Variants in AADAT observed in about 807,000 individuals in gnomAD.
AADAT encodes aminoadipate aminotransferase.
A neutral mutation model predicts 56.2 loss-of-function variants in AADAT; 25 were observed. That is an observed-to-expected ratio of 0.44 (90% confidence interval 0.32 to 0.62). The LOEUF (loss-of-function observed/expected upper bound fraction) is 0.62. Among genes scored for constraint, AADAT ranks in the 20% least tolerant of loss-of-function variants. The pLI is 0.04. For missense variants in AADAT, 387 were observed against 510.5 expected, an observed-to-expected ratio of 0.76 and a Z score of 2.33; for synonymous variants, 173 against 164.7, an observed-to-expected ratio of 1.05 and a Z score of -0.39.
chr4:170,088,392 T>G lies in AADAT; in HGVS notation c.236+4A>C, dbSNP rs1732666745. On this transcript the variant is annotated splice_donor_region_variant and intron_variant, in intron 2 of 12. Transcript: ENST00000337664. ...ATAAAATTATGTTAAGTATTGATAC[T>G]TACCCAGCACTCGGAGAATACTGAA... The G allele has an allele frequency of 1.9e-6, 3 of 1,589,592 alleles. No homozygotes were observed. In the South Asian group the frequency reaches 3.4e-5, roughly 18 times the overall value.
intron 3 of AADAT, among the ~76,000 whole-genome samples, chr4:170,084,277 T>C (rs1732451570): frequency 6.6e-6 from 1 of 152,104 alleles, no homozygotes; most frequent in South Asian, 2.1e-4. Flanking sequence ...AGAATATAAA[T>C]GTACTTATTA....
chr4:170,070,924 T>C (rs1731727925), intron 5 of AADAT, among the ~76,000 whole-genome samples: 1 of 152,148 alleles, frequency 6.6e-6, no homozygotes, highest in Non-Finnish European at 1.5e-5. Context: ...ATTTATTTTG[T>C]TTTTTTGAGA....
intron 8 of AADAT, among the ~76,000 whole-genome samples, chr4:170,067,898 G>A (rs1166343305): frequency 1.3e-5 from 2 of 152,192 alleles, no homozygotes; most frequent in Non-Finnish European, 2.9e-5. Context: ...AGCACTTTGG[G>A]AGGCCCAACA....
At chr4:170,067,637 A>G (rs887425141) in intron 8 of AADAT, among the ~76,000 whole-genome samples, 5 of 152,180 alleles carry the variant, frequency 3.3e-5, no homozygotes, top group Non-Finnish European at 7.3e-5. Flanking sequence ...AATATATTTT[A>G]CCAAATGTAA....
rs745470255 is a variant in AADAT, at chr4:170,089,717, T to G, written c.-27A>C. On this transcript the variant is annotated 5_prime_UTR_variant, in exon 1 of 13. Coordinates refer to ENST00000337664, the MANE Select transcript of AADAT (RefSeq NM_016228.4). ...TCTTCTGACAGCCAAGCATCAAGCT[T>G]CTTCTTCAGTGGTTGAGGACTAGAA... 191 of 1,612,844 alleles carry G rather than the reference T, an allele frequency of 1.2e-4. No homozygotes were observed. The highest frequency in any genetic ancestry group is 8.2e-4 in the Middle Eastern group (5 of 6,082).
rs567501358 is a variant in AADAT at position 170,065,079 on chromosome 4, G to C, written c.1028-254C>G. On this transcript the variant is annotated intron_variant, in intron 10 of 12. Transcript: ENST00000337664. ...GGGCAAGTGAATAGCTCGCGTGTGC[G>C]TATTTACAATGTAGTCAGTCTTAGG... 1.4e-4 allele frequency among the ~76,000 whole-genome samples: 21 copies of C among 152,276 alleles called. No homozygotes were observed. In the South Asian group the frequency reaches 3.9e-3, roughly 29 times the overall value.
intron 9 of AADAT, among the ~76,000 whole-genome samples, 199 bp downstream of exon 9, chr4:170,067,128 C>G (rs984984524): frequency 6.6e-6 from 1 of 152,180 alleles, no homozygotes. Context: ...TTTCAAACCA[C>G]ACCTTGGATG....
chr4:170,065,816 A>G (rs761603391), intron 10 of AADAT, among the ~76,000 whole-genome samples: 1 of 152,192 alleles, frequency 6.6e-6, no homozygotes, highest in Non-Finnish European at 1.5e-5. Flanking sequence ...TTCTGTTTTT[A>G]CCAAGACTTT....
chr4:170,072,947 C>T (rs1731845079), intron 5 of AADAT, among the ~76,000 whole-genome samples, 189 bp downstream of exon 5: 1 of 152,114 alleles, frequency 6.6e-6, no homozygotes, highest in African/African-American at 2.4e-5. Context: ...AATCTCATAA[C>T]TAATGAAAGA....
At position 170,089,682 on chromosome 4, in the gene AADAT, G is replaced by A. The variant is rs1170989053; in HGVS notation, c.9C>T (p.Tyr3=). 1 of 1,614,182 alleles carries A rather than the reference G, an allele frequency of 6.2e-7. No individual in the cohort carries two copies. The highest frequency in any genetic ancestry group is 1.7e-5 in the Admixed American group (1 of 60,030). The change falls in exon 1 of 13, where the codon TAC becomes TAT. Residue 3 remains tyrosine (Y), a synonymous_variant. Transcript: ENST00000337664. ...CGCTCGCTGCCGTGATGAACCGTGC[G>A]TAATTCATGTCTTCTGACAGCCAAG... MN[Y]ARFITAASAA...
At position 170,073,250 on chromosome 4, in the gene AADAT, T is replaced by C; in HGVS notation, c.540A>G (p.Pro180=). 1 of 1,614,142 alleles carries C rather than the reference T, an allele frequency of 6.2e-7. No individual in the cohort carries two copies. The highest frequency in any genetic ancestry group is 8.5e-7 in the Non-Finnish European group (1 of 1,180,014). Residue 180 remains proline (P), a synonymous_variant, in exon 5 of 13, where the codon CCA becomes CCG. Coordinates refer to ENST00000337664, the MANE Select transcript of AADAT (RefSeq NM_016228.4). ...TTTTCTGGGGATTCTTTGCATCTTCTGGTTTCCATCTGGAAAGTATGTCTC... is the reference window on the plus strand; with the variant it reads ...TTTTCTGGGGATTCTTTGCATCTTCCGGTTTCCATCTGGAAAGTATGTCTC... ...SLRDILSRWK[P]EDAKNPQKNT...
intron 11 of AADAT, 48 bp downstream of exon 11, chr4:170,064,671 A>AG (rs1561010760): frequency 7.0e-7 from 1 of 1,437,442 alleles, no homozygotes; most frequent in South Asian, 1.3e-5. Context: ...TTAAAGAAAA[A>AG]GTATAACTTT....
At chr4:170,077,935 T>G (rs1342493904) in intron 4 of AADAT, among the ~76,000 whole-genome samples, 1 of 152,174 alleles carries the variant, frequency 6.6e-6, no homozygotes, top group Non-Finnish European at 1.5e-5. Flanking sequence ...TGACTATCTT[T>G]CTCTGAGTAT....
chr4:170,070,536 C>T, intron 6 of AADAT, 51 bp downstream of exon 6: 1 of 1,425,340 alleles, frequency 7.0e-7, no homozygotes, highest in Non-Finnish European at 9.8e-7. Context: ...AGTGCAGTAA[C>T]TTAAAACAAC....
At chr4:170,078,291 T>C (rs1732132064) in intron 4 of AADAT, among the ~76,000 whole-genome samples, 1 of 152,156 alleles carries the variant, frequency 6.6e-6, no homozygotes. Context: ...AAAAAAGAAA[T>C]GTATAAAGAA....
intron 5 of AADAT, among the ~76,000 whole-genome samples, chr4:170,072,013 A>T (rs1369457933): frequency 2.0e-5 from 3 of 152,138 alleles, no homozygotes; most frequent in African/African-American, 7.2e-5. Flanking sequence ...ATTTTTAGAC[A>T]TCTCTGTGGA....
At chr4:170,087,521 A>AAACCTG (rs1298723694) in intron 2 of AADAT, among the ~76,000 whole-genome samples, 1 of 152,190 alleles carries the variant, frequency 6.6e-6, no homozygotes, top group Non-Finnish European at 1.5e-5. Flanking sequence ...TTCTTATTCC[A>AAACCTG]AACCTGAAGT....
intron 6 of AADAT, among the ~76,000 whole-genome samples, chr4:170,069,570 A>AAC (rs1203586429): frequency 1.3e-5 from 2 of 152,166 alleles, no homozygotes; most frequent in African/African-American, 4.8e-5. Context: ...GGACTCAAGA[A>AAC]ACACTAGTTT....
intron 4 of AADAT, among the ~76,000 whole-genome samples, chr4:170,075,566 C>A (rs574325972): frequency 6.6e-6 from 1 of 152,352 alleles, no homozygotes; most frequent in Admixed American, 6.5e-5. Context: ...GCCTCAGCTG[C>A]CCAAAGTGCT....
Sources: allele counts gnomAD v4.1 joint callset (sites outside exome capture counted in the v4.1 genomes callset), GRCh38; gene constraint gnomAD v4.1.1; transcripts MANE v1.5; gene names NCBI Gene and HGNC (gene_info 2026-07-23, HGNC 2026-07-21).